MAP1B: variants seen among roughly 807,000 people sequenced by gnomAD.
MAP1B encodes microtubule associated protein 1B.
In MAP1B, 12 loss-of-function variants were observed where a neutral mutation model predicts 176.1. That is an observed-to-expected ratio of 0.07 (90% CI 0.04 to 0.11). The LOEUF is 0.11. Among genes scored for constraint, MAP1B ranks in the 10% least tolerant of loss-of-function variants. The pLI is 1.00. For synonymous variants in MAP1B, 1,044 were observed against 1,135.0 expected (o/e 0.92, Z 1.61); for missense variants, 2,523 against 2,990.5 (o/e 0.84, Z 3.65).
intron 2 of MAP1B, among the ~76,000 whole-genome samples, chr5:72,128,969 A>C (rs1018243514): frequency 8.5e-5 from 13 of 152,164 alleles, no homozygotes; most frequent in African/African-American, 3.1e-4. Context: ...TAATTTTTTA[A>C]ATAGACAATT....
rs751988810 is a variant in MAP1B, at chr5:72,197,505, G to A, written c.4150G>A (p.Val1384Met). The A allele has an allele frequency of 1.1e-5, 17 of 1,614,080 alleles. No homozygotes were observed. The highest frequency in any genetic ancestry group is 2.2e-5 in the East Asian group (1 of 44,900). Residue 1384 changes from valine (V) to methionine (M), a missense_variant, in exon 5 of 7, where the codon GTG (valine) becomes ATG (methionine). By Grantham distance (21) the Val-to-Met change is conservative. Around this residue, in one of 4 missense-constraint regions of MAP1B, gnomAD observed 1,925 missense variants for 2,126.0 expected, o/e 0.91. Coordinates refer to ENST00000296755, the MANE Select transcript of MAP1B (RefSeq NM_005909.5). ...TTCAGTAAGCCCCATGGATGAGCCCGTGCCTGACTCAGAGTCTCCTATTGA... is the reference window on the plus strand; with the variant it reads ...TTCAGTAAGCCCCATGGATGAGCCCATGCCTGACTCAGAGTCTCCTATTGA... ...RASVSPMDEPVPDSESPIEKV... is the reference protein window; with the variant it reads ...RASVSPMDEPMPDSESPIEKV...
Position 72,204,097 on chromosome 5 carries a change from G to A in MAP1B, c.7251+296G>A, listed in dbSNP as rs1747391632. Among the ~76,000 whole-genome samples the A allele has an allele frequency of 6.6e-6, 1 of 152,204 alleles. No homozygotes were observed. Among genetic ancestry groups the A allele is most frequent in the Non-Finnish European group, 1.5e-5 (1 of 68,038 alleles). On this transcript the variant is annotated intron_variant, in intron 6 of 6. Coordinates refer to ENST00000296755, the MANE Select transcript of MAP1B (RefSeq NM_005909.5). This position sits in a 1 kb window ranked among gnomAD's most constrained non-coding sequence, Gnocchi z 4.4. ...CCTAAGATTAATTGCCCTTCCTCCA[G>A]TATGCCAAGAGTCTTGTGTGTGTGA...
At chr5:72,120,368 G>T (rs914463595) in intron 2 of MAP1B, among the ~76,000 whole-genome samples, 2 of 150,868 alleles carry the variant, frequency 1.3e-5, no homozygotes, top group African/African-American at 4.9e-5. Context: ...TTAACTAACC[G>T]TTTTCAGTCT....
Position 72,194,332 on chromosome 5 carries a change from G to A in MAP1B, c.977G>A (p.Arg326Gln), listed in dbSNP as rs766004582. Residue 326 changes from arginine to glutamine, a missense_variant, in exon 5 of 7, where the codon CGG (arginine) becomes CAG (glutamine). By Grantham distance (43) the Arg-to-Gln change is conservative (BLOSUM62 1). Coordinates refer to ENST00000296755, the MANE Select transcript of MAP1B (RefSeq NM_005909.5). This position sits in a 1 kb window ranked among gnomAD's most constrained non-coding sequence, Gnocchi z 7.2. ...NLPGINSMLQ[R>Q]KIAELEEEQS... ...CCTGGAATAAACAGCATGTTACAGC[G>A]GAAAATTGCAGAGCTCGAGGAAGAA... 3.7e-6 allele frequency: 6 copies of A among 1,614,146 alleles called. No individual in the cohort carries two copies. Among genetic ancestry groups the A allele is most frequent in the Non-Finnish European group, 4.2e-6 (5 of 1,180,028 alleles).
intron 2 of MAP1B, among the ~76,000 whole-genome samples, chr5:72,124,885 G>C (rs1425389928): frequency 6.6e-6 from 1 of 152,176 alleles, no homozygotes; most frequent in African/African-American, 2.4e-5. Flanking sequence ...GCTCTACATA[G>C]ATGTGGCTTT....
rs912892301 is a variant in MAP1B, at chr5:72,204,694, G to C, written c.7252-390G>C. 2.0e-5 allele frequency among the ~76,000 whole-genome samples: 3 copies of C among 152,136 alleles called. No homozygotes were observed. Among genetic ancestry groups the C allele is most frequent in the Non-Finnish European group, 4.4e-5 (3 of 68,020 alleles). ...AATGTTAGTTACTCACAATGAGTGG[G>C]CTTTTGAGGGCTTTGAAGTGCGCGA... On this transcript the variant is annotated intron_variant, in intron 6 of 6. Transcript: ENST00000296755. This position sits in a 1 kb window ranked among gnomAD's most constrained non-coding sequence, Gnocchi z 4.4.
Position 72,165,984 on chromosome 5 carries a change from A to G in MAP1B, c.287-17759A>G, listed in dbSNP as rs115659019. ...CCCATCATGTTCTACCCTCACAACA[A>G]CTCTTAGGGTAGGCATTATTATTAT... On this transcript the variant is annotated intron_variant, in intron 2 of 6. Transcript: ENST00000296755. 7.8e-3 allele frequency among the ~76,000 whole-genome samples: 1,185 copies of G among 152,026 alleles called. 10 individuals are homozygous for G. Among genetic ancestry groups the G allele is most frequent in the Non-Finnish European group, 0.011 (738 of 67,962 alleles).
At chr5:72,162,157 A>G (rs1746340676) in intron 2 of MAP1B, among the ~76,000 whole-genome samples, 1 of 152,122 alleles carries the variant, frequency 6.6e-6, no homozygotes, top group South Asian at 2.1e-4. Flanking sequence ...CGTGCAACCT[A>G]ACATTCTGTG....
chr5:72,198,558 G>A lies in MAP1B; in HGVS notation c.5203G>A (p.Ala1735Thr), dbSNP rs531112875. 5.0e-6 allele frequency: 8 copies of A among 1,613,814 alleles called. No individual in the cohort carries two copies. The highest frequency in any genetic ancestry group is 6.8e-6 in the Non-Finnish European group (8 of 1,180,022). The change falls in exon 5 of 7, where the codon GCT (alanine) becomes ACT (threonine). Residue 1735 changes from alanine to threonine, a missense_variant. Coordinates refer to ENST00000296755, the MANE Select transcript of MAP1B (RefSeq NM_005909.5). Reference sequence around the variant, plus strand: ...AGAGGCCTCCCCGTCCACCTCTTCTGCTCATACCCCTTCTCAGATCGCTTC... The same window carrying A: ...AGAGGCCTCCCCGTCCACCTCTTCTACTCATACCCCTTCTCAGATCGCTTC... ...QVEASPSTSS[A>T]HTPSQIASPL...
chr5:72,189,505 A>G (rs944147106), intron 4 of MAP1B, among the ~76,000 whole-genome samples: 1 of 152,114 alleles, frequency 6.6e-6, no homozygotes, highest in Non-Finnish European at 1.5e-5. Flanking sequence ...AACCCTGCTC[A>G]CTGTCCTTCA....
chr5:72,151,933 CAG>C (rs1451963916), intron 2 of MAP1B, among the ~76,000 whole-genome samples: 31 of 152,190 alleles, frequency 2.0e-4, no homozygotes, highest in Admixed American at 1.2e-3. Flanking sequence ...AGAGATAGTA[CAG>C]AGAGTTCTTG....
chr5:72,142,970 AT>A (rs1745975347), intron 2 of MAP1B, among the ~76,000 whole-genome samples: 1 of 152,058 alleles, frequency 6.6e-6, no homozygotes, highest in South Asian at 2.1e-4. Flanking sequence ...CAAAAATAAG[AT>A]TTTCTAGTTG....
chr5:72,203,507 T>G, intron 5 of MAP1B, 56 bp from the exon 6 acceptor site: 1 of 1,238,404 alleles, frequency 8.1e-7, no homozygotes, highest in East Asian at 2.3e-5. Flanking sequence ...ATGTGCTGGA[T>G]GTATGGTCTC....
intron 2 of MAP1B, among the ~76,000 whole-genome samples, chr5:72,159,405 G>T (rs1036693102): frequency 2.0e-5 from 3 of 147,768 alleles, no homozygotes; most frequent in African/African-American, 7.4e-5. Context: ...GAGCAAAAAT[G>T]TCTGGTGTCT....
chr5:72,177,399 C>T (rs2112202350), intron 2 of MAP1B, among the ~76,000 whole-genome samples: 1 of 152,282 alleles, frequency 6.6e-6, no homozygotes, highest in South Asian at 2.1e-4. Flanking sequence ...GGGAGAACCA[C>T]CTGGGGGCTG....
At chr5:72,165,559 GCCAAAAA>G (rs1746411990) in intron 2 of MAP1B, among the ~76,000 whole-genome samples, 1 of 152,018 alleles carries the variant, frequency 6.6e-6, no homozygotes, top group Non-Finnish European at 1.5e-5. Context: ...CCTGTTCCTG[GCCAAAAA>G]CCAGGAACAG....
At chr5:72,157,128 A>G (rs1746242675) in intron 2 of MAP1B, among the ~76,000 whole-genome samples, 1 of 152,180 alleles carries the variant, frequency 6.6e-6, no homozygotes, top group Non-Finnish European at 1.5e-5. Context: ...CAGATGGAGG[A>G]ATGATTCACT....
At chr5:72,161,284 G>A (rs1006821768) in intron 2 of MAP1B, among the ~76,000 whole-genome samples, 2 of 152,176 alleles carry the variant, frequency 1.3e-5, no homozygotes, top group Admixed American at 1.3e-4. Flanking sequence ...TTTTCCATGT[G>A]TACAGTGAAG....
intron 5 of MAP1B, among the ~76,000 whole-genome samples, chr5:72,203,114 C>T (rs1448826976): frequency 6.6e-6 from 1 of 152,168 alleles, no homozygotes; most frequent in Non-Finnish European, 1.5e-5. Flanking sequence ...CAATGAGACC[C>T]TAAAATAGAG....
Sources: gnomAD v4.1 joint callset for allele counts (sites outside exome capture counted in the v4.1 genomes callset) on GRCh38, gnomAD v4.1.1 for gene constraint, gnomAD v4.1.1 regional missense constraint, Gnocchi (gnomAD v3.1) non-coding constraint, MANE v1.5 for transcripts, NCBI Gene and HGNC (gene_info 2026-07-23, HGNC 2026-07-21) for gene names.